Variants in DPP10 observed in about 807,000 individuals in gnomAD.
The protein encoded by DPP10 is inactive dipeptidyl peptidase 10.
Under a neutral mutation model 120.9 loss-of-function variants are expected in DPP10, and 33 were observed. The ratio of observed to expected loss-of-function variants is 0.27; its 90% CI spans 0.21 to 0.37. DPP10 has a LOEUF of 0.37. DPP10 is among the 10% of genes least tolerant of loss of function. The pLI, the probability that DPP10 is intolerant of heterozygous loss-of-function variation, is 1.00. For synonymous variants in DPP10, 337 were observed against 326.1 expected (o/e 1.03, Z -0.36); for missense variants, 816 against 942.8 (o/e 0.87, Z 1.76).
intron 2 of DPP10, among the ~76,000 whole-genome samples, chr2:115,314,797 G>C (rs1559408186): frequency 6.6e-6 from 1 of 152,184 alleles, no homozygotes; most frequent in African/African-American, 2.4e-5. Context: ...GTTCATTTGA[G>C]TCAAAACAGA....
intron 1 of DPP10, among the ~76,000 whole-genome samples, chr2:114,706,951 T>C (rs529397205): frequency 6.6e-6 from 1 of 152,266 alleles, no homozygotes; most frequent in African/African-American, 2.4e-5. Context: ...TAAATAATTT[T>C]TCTAATATTG....
intron 1 of DPP10, among the ~76,000 whole-genome samples, chr2:114,866,116 T>TAAATAAATAAATAAAA (rs1690209331): frequency 7.1e-6 from 1 of 140,216 alleles, no homozygotes; most frequent in Admixed American, 6.8e-5. Flanking sequence ...GTCTCAAAAA[T>TAAATAAATAAATAAAA]AAATAAATAA....
chr2:115,532,692 C>A (rs1280361552), intron 5 of DPP10, among the ~76,000 whole-genome samples: 2 of 151,882 alleles, frequency 1.3e-5, no homozygotes, highest in African/African-American at 2.4e-5. Context: ...AAATTAAAAC[C>A]ATACTTTTAA....
At chr2:114,968,082 T>A (rs2104768587) in intron 1 of DPP10, among the ~76,000 whole-genome samples, 1 of 152,310 alleles carries the variant, frequency 6.6e-6, no homozygotes, top group South Asian at 2.1e-4. Context: ...AACCTCATTA[T>A]GTTCTACTTT....
At chr2:115,656,140 A>T in intron 5 of DPP10, among the ~76,000 whole-genome samples, 1 of 134,440 alleles carries the variant, frequency 7.4e-6, no homozygotes, top group Non-Finnish European at 1.5e-5. Flanking sequence ...CCAAACACAC[A>T]CACACACACA....
chr2:115,096,445 T>C (rs1454264732), intron 1 of DPP10, among the ~76,000 whole-genome samples: 1 of 152,074 alleles, frequency 6.6e-6, no homozygotes, highest in Non-Finnish European at 1.5e-5. Flanking sequence ...ACATAAATAC[T>C]TAAGTGAAGA....
intron 1 of DPP10, among the ~76,000 whole-genome samples, chr2:114,840,871 G>T (rs182102480): frequency 6.6e-6 from 1 of 152,060 alleles, no homozygotes; most frequent in East Asian, 1.9e-4. Flanking sequence ...TAGAATCTTG[G>T]GCAGATGGAT....
At chr2:115,806,565 T>TA (rs1226512166) in intron 19 of DPP10, among the ~76,000 whole-genome samples, 1 of 152,180 alleles carries the variant, frequency 6.6e-6, no homozygotes, top group African/African-American at 2.4e-5. Context: ...CACCATACAT[T>TA]ACTGAAGGTG....
At chr2:115,643,582 A>G (rs181492728) in intron 5 of DPP10, among the ~76,000 whole-genome samples, 10 of 152,336 alleles carry the variant, frequency 6.6e-5, no homozygotes, top group Non-Finnish European at 1.2e-4. Flanking sequence ...TGGGGCACAT[A>G]AGACGTTATA....
chr2:115,456,833 G>C (rs1314433357), intron 3 of DPP10, among the ~76,000 whole-genome samples: 8 of 152,024 alleles, frequency 5.3e-5, no homozygotes, highest in Admixed American at 5.3e-4. Flanking sequence ...CTAGGGGAGG[G>C]ATAGCATTAG....
At chr2:115,821,598 T>A (rs1036073844) in intron 21 of DPP10, among the ~76,000 whole-genome samples, 1 of 152,048 alleles carries the variant, frequency 6.6e-6, no homozygotes, top group African/African-American at 2.4e-5. Flanking sequence ...TAAATTTAAA[T>A]GTTACTGTTT....
Position 115,712,542 on chromosome 2 carries a change from A to ATTT in DPP10, c.577-15274_577-15273insTTT, listed in dbSNP as rs1491344946. Among the ~76,000 whole-genome samples, 149 of 72,540 alleles carry ATTT rather than the reference A, an allele frequency of 2.1e-3. 3 individuals are homozygous for ATTT. Among genetic ancestry groups the ATTT allele is most frequent in the African/African-American group, 8.3e-3 (138 of 16,584 alleles). 47.6% of individuals were successfully genotyped at this position (72,540 alleles called of 152,430 possible). The stretch of plus-strand genomic sequence containing the variant: ...AAATAGCTTTGAAGAGTCCTGAATT[A>ATTT]AATATATATATATATATATATATAA... On this transcript the variant is annotated intron_variant, in intron 7 of 25. Coordinates refer to ENST00000410059, the MANE Select transcript of DPP10 (RefSeq NM_020868.6).
chr2:114,871,622 T>A (rs1426911788), intron 1 of DPP10, among the ~76,000 whole-genome samples: 6 of 152,232 alleles, frequency 3.9e-5, no homozygotes, highest in Admixed American at 3.9e-4. Context: ...GTACTTATTT[T>A]TATTTTTTTA....
At chr2:115,437,404 G>A (rs538407122) in intron 3 of DPP10, among the ~76,000 whole-genome samples, 10 of 152,140 alleles carry the variant, frequency 6.6e-5, no homozygotes, top group Admixed American at 1.3e-4. Flanking sequence ...CTCATCTCAT[G>A]CCATTCAAAT....
At chr2:115,686,007 T>C (rs2090968063) in intron 5 of DPP10, among the ~76,000 whole-genome samples, 1 of 152,110 alleles carries the variant, frequency 6.6e-6, no homozygotes, top group Non-Finnish European at 1.5e-5. Flanking sequence ...CATAGACATA[T>C]GCAGAATAAC....
At chr2:115,468,498 A>G in intron 3 of DPP10, 1 of 438,068 alleles carries the variant, frequency 2.3e-6, no homozygotes, top group South Asian at 1.7e-5. Context: ...TCTGTGTTAC[A>G]CAGATTCTCC....
At chr2:115,089,105 T>G (rs1292555493) in intron 1 of DPP10, among the ~76,000 whole-genome samples, 2 of 152,156 alleles carry the variant, frequency 1.3e-5, no homozygotes, top group Non-Finnish European at 2.9e-5. Flanking sequence ...CTTGACATCT[T>G]CAGCCTGATT....
chr2:114,792,152 C>A (rs1574199000), intron 1 of DPP10, among the ~76,000 whole-genome samples: 6 of 151,972 alleles, frequency 3.9e-5, no homozygotes, highest in African/African-American at 1.4e-4. Context: ...GAAATAAAAT[C>A]TATTATTATT....
At chr2:115,174,908 T>C (rs1437100605) in intron 1 of DPP10, among the ~76,000 whole-genome samples, 2 of 152,166 alleles carry the variant, frequency 1.3e-5, no homozygotes, top group Admixed American at 6.5e-5. Context: ...TCCCAAGAAA[T>C]TGATGCAGGT....
Sources: allele counts gnomAD v4.1 joint callset (sites outside exome capture counted in the v4.1 genomes callset), GRCh38; gene constraint gnomAD v4.1.1; transcripts MANE v1.5; gene names NCBI Gene and HGNC (gene_info 2026-07-23, HGNC 2026-07-21).